SIM2: variants seen among roughly 807,000 people sequenced by gnomAD.
SIM2 encodes the protein single-minded homolog 2.
In SIM2, 28 loss-of-function variants were observed where a neutral mutation model predicts 64.8. The observed-to-expected ratio is 0.43, with a 90% CI of 0.32 to 0.59. SIM2 has a LOEUF of 0.59. Ranked by LOEUF, SIM2 falls within the 20% of genes least tolerant of loss-of-function variation. The pLI, the probability that SIM2 is intolerant of heterozygous loss-of-function variation, is 0.07. For synonymous variants in SIM2, 408 were observed against 391.1 expected, an observed-to-expected ratio of 1.04 and a Z score of -0.51; for missense variants, 847 against 871.4, an observed-to-expected ratio of 0.97 and a Z score of 0.35.
chr21:36,741,967 GT>G, intron 8 of SIM2, 103 bp downstream of exon 8: 16 of 1,140,494 alleles, frequency 1.4e-5, no homozygotes, highest in Non-Finnish European at 1.9e-5. Context: ...TTCTCAAACT[GT>G]TCATTTGTCT....
intron 8 of SIM2, among the ~76,000 whole-genome samples, chr21:36,742,948 C>T (rs191282505): frequency 6.6e-6 from 1 of 152,276 alleles, no homozygotes; most frequent in Admixed American, 6.5e-5. Flanking sequence ...TGAGAATGCA[C>T]AAAGCTGGTG....
intron 1 of SIM2, among the ~76,000 whole-genome samples, chr21:36,708,760 G>A (rs1228035385): frequency 6.6e-6 from 1 of 152,218 alleles, no homozygotes; most frequent in Non-Finnish European, 1.5e-5. Flanking sequence ...GAGGGAAGGA[G>A]GGTCCTTGGG....
intron 7 of SIM2, among the ~76,000 whole-genome samples, chr21:36,738,000 A>C (rs1029476468): frequency 6.6e-6 from 1 of 151,022 alleles, no homozygotes; most frequent in South Asian, 2.1e-4. Flanking sequence ...AAAAGCAAAA[A>C]GAAAAAAGCA....
At chr21:36,710,250 A>G (rs543138753) in intron 2 of SIM2, 2 of 152,412 alleles carry the variant, frequency 1.3e-5, no homozygotes, top group South Asian at 4.1e-4. Context: ...CCGGATAACC[A>G]GAACTTGGTG....
rs777081004 is a variant in SIM2 at position 36,744,818 on chromosome 21, G to A, written c.1258G>A (p.Glu420Lys). 8 of 1,614,090 alleles carry A rather than the reference G, an allele frequency of 5.0e-6. No homozygotes were observed. The African/African-American group carries it at 1.1e-4, about 22-fold the overall frequency. Residue 420 changes from glutamate (E) to lysine (K), a missense_variant, in exon 10 of 11, where the codon GAA becomes AAA. Physicochemically the swap from Glu to Lys is moderately conservative, Grantham distance 56. Transcript: ENST00000290399. The stretch of plus-strand genomic sequence containing the variant: ...CCCTGCAAGCGCTGCTGCTCCTCCA[G>A]AACTGCAGCCCCACTCAGAAAGCAG... ...SPPASAAAPP[E>K]LQPHSESSDL...
rs979731192 is a variant in SIM2, at chr21:36,699,986, C to A, written c.175+65C>A. 4.0e-6 allele frequency: 6 copies of A among 1,486,056 alleles called. No homozygotes were observed. Among genetic ancestry groups the A allele is most frequent in the Non-Finnish European group, 4.5e-6 (5 of 1,112,972 alleles). 92.1% of individuals were successfully genotyped at this position (1,486,056 alleles called of 1,614,324 possible). A position where few individuals can be genotyped will look rare whatever the true frequency, so the allele number is the denominator to read the frequency against. ...CGGCGGCCCCGGCCCAGGCGGGAAG[C>A]GCAAGCCAGCCCGCCCAGAGGGGTT... On this transcript the variant is annotated intron_variant, in intron 1 of 10. Transcript: ENST00000290399. This position sits in a 1 kb window ranked among gnomAD's most constrained non-coding sequence, Gnocchi z 5.6.
At chr21:36,727,404 T>A (rs575227157) in intron 6 of SIM2, among the ~76,000 whole-genome samples, 1 of 152,198 alleles carries the variant, frequency 6.6e-6, no homozygotes, top group African/African-American at 2.4e-5. Context: ...GTGGTGTTTG[T>A]GGGGTACATT....
At chr21:36,736,239 G>A (rs1353009490) in intron 7 of SIM2, among the ~76,000 whole-genome samples, 2 of 152,082 alleles carry the variant, frequency 1.3e-5, no homozygotes, top group Non-Finnish European at 2.9e-5. Flanking sequence ...CCGAGAGCAG[G>A]AACAAAGCAG....
At chr21:36,709,277 C>T in intron 2 of SIM2, 27 bp downstream of exon 2, 1 of 1,560,830 alleles carries the variant, frequency 6.4e-7, no homozygotes, top group Non-Finnish European at 8.7e-7. Flanking sequence ...GGGGGAGGAG[C>T]GCAGCCGCCG....
Position 36,747,353 on chromosome 21 carries a change from A to G in SIM2, c.1577-312A>G, listed in dbSNP as rs1201417135. On this transcript the variant is annotated intron_variant, in intron 10 of 10. Transcript: ENST00000290399. This position sits in a 1 kb window ranked among gnomAD's most constrained non-coding sequence, Gnocchi z 4.5. ...TCTGCATCTCAGGACCAAAAAAAAAAAAAAGAAAATATCCCAATAATTGTT... is the reference window on the plus strand; with the variant it reads ...TCTGCATCTCAGGACCAAAAAAAAAGAAAAGAAAATATCCCAATAATTGTT... 6.6e-6 allele frequency among the ~76,000 whole-genome samples: 1 copy of G among 152,204 alleles called. No homozygotes were observed. The highest frequency in any genetic ancestry group is 1.5e-5 in the Non-Finnish European group (1 of 68,028).
chr21:36,716,860 A>ATTT (rs55850625), intron 3 of SIM2, among the ~76,000 whole-genome samples: 40 of 148,108 alleles, frequency 2.7e-4, no homozygotes, highest in African/African-American at 9.2e-4. Flanking sequence ...GACAACCATA[A>ATTT]TTTTTTTTTT....
Position 36,726,026 on chromosome 21 carries a change from A to G in SIM2, c.544-93A>G, listed in dbSNP as rs891475919. On this transcript the variant is annotated intron_variant, in intron 5 of 10. Transcript: ENST00000290399. This position sits in a 1 kb window ranked among gnomAD's most constrained non-coding sequence, Gnocchi z 4.5. The stretch of plus-strand genomic sequence containing the variant: ...AGTGGAGTAGAGGCTGGGCTGGGAG[A>G]TATTCTAGCATGTTTGAGAAAATGA... The G allele has an allele frequency of 7.8e-6, 8 of 1,023,534 alleles. No individual in the cohort carries two copies. Among genetic ancestry groups the G allele is most frequent in the African/African-American group, 1.6e-5 (1 of 63,948 alleles). 63.4% of individuals were successfully genotyped at this position (1,023,534 alleles called of 1,614,324 possible). A position where few individuals can be genotyped will look rare whatever the true frequency, so the allele number is the denominator to read the frequency against.
chr21:36,717,869 AC>A (rs1398966092), intron 3 of SIM2, among the ~76,000 whole-genome samples: 1 of 152,230 alleles, frequency 6.6e-6, no homozygotes, highest in Non-Finnish European at 1.5e-5. Context: ...GTTTATTTAA[AC>A]TTTTTAAGGA....
intron 4 of SIM2, 86 bp from the exon 5 acceptor site, chr21:36,722,959 C>A (rs2088843237): frequency 2.0e-6 from 2 of 1,021,300 alleles, no homozygotes; most frequent in East Asian, 2.4e-5. Context: ...CTGCATCTGG[C>A]CCTGGGAACA....
intron 5 of SIM2, 28 bp downstream of exon 5, chr21:36,723,158 A>T (rs769962135): frequency 1.9e-6 from 3 of 1,582,156 alleles, no homozygotes; most frequent in Non-Finnish European, 1.7e-6. Context: ...TGCGGGGAGG[A>T]GCTGGCTAAG....
chr21:36,710,742 C>A (rs1322327612), intron 2 of SIM2: 4 of 152,184 alleles, frequency 2.6e-5, no homozygotes, highest in African/African-American at 9.7e-5. Context: ...AAAATGCATG[C>A]CTGCGGAAGA....
In SIM2 at chr21:36,744,999, T is replaced by A; in HGVS notation, c.1439T>A (p.Leu480Gln). The change falls in exon 10 of 11, where the codon CTG becomes CAG. Residue 480 changes from leucine (L) to glutamine (Q), a missense_variant. By Grantham distance (113) the Leu-to-Gln change is moderately radical (BLOSUM62 -2). Coordinates refer to ENST00000290399, the MANE Select transcript of SIM2 (RefSeq NM_005069.6). ...GSPCEVARFF[L>Q]STLPASGECQ... ...CCTTGTGAGGTGGCACGCTTTTTCC[T>A]GAGCACACTGCCAGCCAGCGGTGAA... 6.2e-7 allele frequency: 1 copy of A among 1,614,262 alleles called. No homozygotes were observed. Among genetic ancestry groups the A allele is most frequent in the Non-Finnish European group, 8.5e-7 (1 of 1,180,038 alleles).
intron 4 of SIM2, 91 bp from the exon 5 acceptor site, chr21:36,722,954 T>G: frequency 1.0e-6 from 1 of 980,478 alleles, no homozygotes; most frequent in East Asian, 2.4e-5. Flanking sequence ...GGGTGCTGCA[T>G]CTGGCCCTGG....
At chr21:36,742,173 G>GC (rs1469315479) in intron 8 of SIM2, among the ~76,000 whole-genome samples, 2 of 151,730 alleles carry the variant, frequency 1.3e-5, no homozygotes, top group East Asian at 1.9e-4. Context: ...GGATGGTGAT[G>GC]CCCCCCATCC....
Sources: gnomAD v4.1 joint callset for allele counts (sites outside exome capture counted in the v4.1 genomes callset) on GRCh38, gnomAD v4.1.1 for gene constraint, Gnocchi (gnomAD v3.1) non-coding constraint, MANE v1.5 for transcripts, NCBI Gene and HGNC (gene_info 2026-07-23, HGNC 2026-07-21) for gene names.